Variants in SDK1 observed in about 807,000 individuals in gnomAD.
The protein encoded by SDK1 is sidekick cell adhesion molecule 1, also known as protein sidekick-1.
In SDK1, 157 loss-of-function variants were observed where a neutral mutation model predicts 245.5. The ratio of observed to expected loss-of-function variants is 0.64; its 90% CI spans 0.56 to 0.73. The LOEUF (loss-of-function observed/expected upper bound fraction) is 0.73. Among genes scored for constraint, SDK1 ranks in the 30% least tolerant of loss-of-function variants. The pLI, the probability that SDK1 is intolerant of heterozygous loss-of-function variation, is 0.00. For missense variants in SDK1, 3,583 were observed against 3,002.3 expected (o/e 1.19, Z -4.52); for synonymous variants, 1,647 against 1,278.5 (o/e 1.29, Z -6.15).
intron 28 of SDK1, among the ~76,000 whole-genome samples, chr7:4,143,465 C>T (rs1779719349): frequency 6.6e-6 from 1 of 152,128 alleles, no homozygotes; most frequent in Admixed American, 6.5e-5. Flanking sequence ...CCTGGCACCC[C>T]GTGAGGTGTC....
intron 1 of SDK1, among the ~76,000 whole-genome samples, chr7:3,447,135 G>T (rs1172546301): frequency 6.6e-6 from 1 of 152,064 alleles, no homozygotes; most frequent in Non-Finnish European, 1.5e-5. Flanking sequence ...TTCTCTAAGA[G>T]ATTTATAATT....
At chr7:3,602,780 G>A (rs1781292162) in intron 1 of SDK1, among the ~76,000 whole-genome samples, 1 of 152,084 alleles carries the variant, frequency 6.6e-6, no homozygotes, top group African/African-American at 2.4e-5. Context: ...GTATTGCCTA[G>A]GTTTTCTTCT....
intron 4 of SDK1, among the ~76,000 whole-genome samples, chr7:3,679,545 C>T (rs1056772327): frequency 8.6e-5 from 13 of 151,422 alleles, no homozygotes; most frequent in East Asian, 2.0e-4. Flanking sequence ...CCAGCCTGGG[C>T]GACAGAGCGA....
Position 4,220,109 on chromosome 7 carries a change from G to A in SDK1, c.5540G>A (p.Gly1847Glu). ...TTTCCTTTGCTTCTGGCGGCTGCAG[G>A]GGTGAGCAAGGTGGTGACCGTGGAA... The part of the protein sequence containing the change: ...VVYEPLAPVQ[G>E]VSKVVTVEVR... The change falls in exon 39 of 45, where the codon GGG (glycine) becomes GAG (glutamate). Residue 1847 changes from glycine to glutamate, a missense_variant and splice_region_variant. Physicochemically the swap from Gly to Glu is moderately conservative, Grantham distance 98. Transcript: ENST00000404826. 1 of 1,613,280 alleles carries A rather than the reference G, an allele frequency of 6.2e-7. No individual in the cohort carries two copies. Among genetic ancestry groups the A allele is most frequent in the Non-Finnish European group, 8.5e-7 (1 of 1,179,402 alleles).
chr7:4,223,551 C>A (rs577054897), intron 40 of SDK1, among the ~76,000 whole-genome samples: 4 of 152,320 alleles, frequency 2.6e-5, no homozygotes, highest in African/African-American at 7.2e-5. Flanking sequence ...CCCATCTCTG[C>A]CTTCATCTTC....
intron 1 of SDK1, among the ~76,000 whole-genome samples, chr7:3,404,409 T>G (rs562590531): frequency 1.4e-4 from 22 of 152,344 alleles, no homozygotes; most frequent in African/African-American, 4.8e-4. Context: ...TATGTTTTAT[T>G]ATTTTCTGCC....
chr7:3,550,748 A>G (rs762205361), intron 1 of SDK1, among the ~76,000 whole-genome samples: 10 of 152,338 alleles, frequency 6.6e-5, no homozygotes, highest in Non-Finnish European at 1.5e-4. Context: ...TATTACTATG[A>G]CAAGTGATAG....
chr7:3,869,096 C>A (rs1286470167), intron 5 of SDK1, among the ~76,000 whole-genome samples: 2 of 150,906 alleles, frequency 1.3e-5, no homozygotes, highest in African/African-American at 4.9e-5. Context: ...ATTTTTTTTT[C>A]CCCCAAAAAA....
At chr7:3,688,724 C>T (rs540335608) in intron 4 of SDK1, among the ~76,000 whole-genome samples, 1 of 152,300 alleles carries the variant, frequency 6.6e-6, no homozygotes, top group East Asian at 1.9e-4. Flanking sequence ...TTGGATGCTA[C>T]AGTGAACTTT....
chr7:3,855,937 T>G (rs1277655417), intron 5 of SDK1, among the ~76,000 whole-genome samples: 1 of 151,866 alleles, frequency 6.6e-6, no homozygotes, highest in Non-Finnish European at 1.5e-5. Context: ...AAAGAATTAA[T>G]AAATGATGTA....
rs139222484 is a variant in SDK1 at position 4,145,831 on chromosome 7, C to T, written c.4338C>T (p.Ser1446=). 1.1e-4 allele frequency: 185 copies of T among 1,613,820 alleles called. 1 individual carries two copies. Among genetic ancestry groups the T allele is most frequent in the African/African-American group, 8.7e-4 (65 of 75,016 alleles). The change falls in exon 29 of 45, where the codon TCC becomes TCT. Residue 1446 remains serine, a synonymous_variant. Coordinates refer to ENST00000404826, the MANE Select transcript of SDK1 (RefSeq NM_152744.4). ...QFTATDLAPE[S]AYIFRLSAKT... is the part of the protein sequence containing the mutation. ...CAGCCACCGACCTGGCCCCGGAGTC[C>T]GCATACATCTTCAGGCTGTCCGCCA... is the stretch of plus-strand genomic sequence containing the variant.
At chr7:3,840,496 A>G (rs1780129670) in intron 5 of SDK1, among the ~76,000 whole-genome samples, 2 of 152,350 alleles carry the variant, frequency 1.3e-5, no homozygotes, top group Non-Finnish European at 2.9e-5. Flanking sequence ...TCCTTGGGCT[A>G]GTACTATCAG....
intron 1 of SDK1, among the ~76,000 whole-genome samples, chr7:3,575,945 C>G (rs1780273254): frequency 1.3e-5 from 2 of 151,946 alleles, no homozygotes. Flanking sequence ...TCTGTTCTTC[C>G]CCATGTGAGC....
chr7:3,458,723 C>T (rs565430222), intron 1 of SDK1, among the ~76,000 whole-genome samples: 35 of 152,174 alleles, frequency 2.3e-4, no homozygotes, highest in Middle Eastern at 3.4e-3. Context: ...ACATAATCAT[C>T]CTTTCTCCAG....
At chr7:3,302,133 C>T (rs1262957773) in intron 1 of SDK1, 2 of 181,590 alleles carry the variant, frequency 1.1e-5, no homozygotes, top group African/African-American at 4.7e-5. Context: ...GTAGCACAAA[C>T]AAAAATTTTT....
intron 1 of SDK1, among the ~76,000 whole-genome samples, chr7:3,346,713 G>GTGTA (rs149795247): frequency 6.4e-5 from 8 of 124,056 alleles, no homozygotes; most frequent in Non-Finnish European, 9.7e-5. Context: ...GTGTGTGTGT[G>GTGTA]TATATATGTA....
chr7:3,953,196 C>G (rs1224445119), intron 7 of SDK1, among the ~76,000 whole-genome samples: 1 of 151,138 alleles, frequency 6.6e-6, no homozygotes, highest in Non-Finnish European at 1.5e-5. Flanking sequence ...CTTGTGTTTT[C>G]CTATGAAACT....
intron 3 of SDK1, among the ~76,000 whole-genome samples, chr7:3,639,958 C>T (rs187872649): frequency 1.3e-5 from 2 of 152,152 alleles, no homozygotes; most frequent in African/African-American, 4.8e-5. Context: ...GTGATCCTCC[C>T]TCCTCAGCCT....
chr7:3,529,784 G>T (rs1407706712), intron 1 of SDK1, among the ~76,000 whole-genome samples: 2 of 152,152 alleles, frequency 1.3e-5, no homozygotes. Flanking sequence ...TGGTGACCAG[G>T]TGGTCGAGGG....
Sources: gnomAD v4.1 joint callset for allele counts (sites outside exome capture counted in the v4.1 genomes callset) on GRCh38, gnomAD v4.1.1 for gene constraint, MANE v1.5 for transcripts, NCBI Gene and HGNC (gene_info 2026-07-23, HGNC 2026-07-21) for gene names.